GALNT18: variants seen among roughly 807,000 people sequenced by gnomAD.
The protein encoded by GALNT18 is GalNAc-transferase 18.
GALNT18 carries 44 observed loss-of-function variants against 69.5 expected under a neutral mutation model. The ratio of observed to expected loss-of-function variants is 0.63; its 90% confidence interval spans 0.50 to 0.81. GALNT18 has a LOEUF of 0.81. Among genes scored for constraint, GALNT18 ranks in the 40% least tolerant of loss-of-function variants. The probability of loss-of-function intolerance (pLI) is 0.00; values close to 1 mark genes in which losing one functional copy is unlikely to be tolerated. For missense variants in GALNT18, 715 were observed against 810.0 expected (o/e 0.88, Z 1.42); for synonymous variants, 364 against 318.2 (o/e 1.14, Z -1.53).
At chr11:11,284,531 G>A (rs1280310972) in intron 10 of GALNT18, among the ~76,000 whole-genome samples, 1 of 152,176 alleles carries the variant, frequency 6.6e-6, no homozygotes, top group Non-Finnish European at 1.5e-5. Context: ...TGCATCCTGA[G>A]GTGGAACGTC....
At position 11,523,086 on chromosome 11, in the gene GALNT18, A is replaced by G. The variant is rs1405616509; in HGVS notation, c.236-74150T>C. Among the ~76,000 whole-genome samples the G allele has an allele frequency of 6.6e-6, 1 of 152,224 alleles. No homozygotes were observed. The highest frequency in any genetic ancestry group is 2.4e-5 in the African/African-American group (1 of 41,458). On this transcript the variant is annotated intron_variant, in intron 1 of 10. Transcript: ENST00000227756. This position sits in a 1 kb window ranked among gnomAD's most constrained non-coding sequence, Gnocchi z 4.3. Reference sequence around the variant, plus strand: ...AATTTACATGCTTTTTCTTATTACAAGCCCTTTCATTATGTCCGCAAGATC... The same window carrying G: ...AATTTACATGCTTTTTCTTATTACAGGCCCTTTCATTATGTCCGCAAGATC...
At chr11:11,288,538 G>A (rs776157940) in intron 10 of GALNT18, among the ~76,000 whole-genome samples, 1 of 152,146 alleles carries the variant, frequency 6.6e-6, no homozygotes, top group African/African-American at 2.4e-5. Flanking sequence ...AGCTCCTTGA[G>A]GGCAGAAGCT....
chr11:11,391,253 A>G (rs967825246), intron 3 of GALNT18, among the ~76,000 whole-genome samples: 2 of 152,126 alleles, frequency 1.3e-5, no homozygotes, highest in South Asian at 4.1e-4. Context: ...CAACCCCTTA[A>G]CAGTGATTTC....
intron 1 of GALNT18, among the ~76,000 whole-genome samples, chr11:11,568,871 T>A (rs1858716018): frequency 1.3e-5 from 2 of 152,222 alleles, no homozygotes. Context: ...GTGGCCAATA[T>A]AACCTCATCC....
Position 11,413,698 on chromosome 11 carries a change from G to T in GALNT18, c.595+18923C>A, listed in dbSNP as rs956112101. Among the ~76,000 whole-genome samples the T allele has an allele frequency of 2.0e-5, 3 of 152,060 alleles. No homozygotes were observed. On this transcript the variant is annotated intron_variant, in intron 3 of 10. Coordinates refer to ENST00000227756, the MANE Select transcript of GALNT18 (RefSeq NM_198516.3). This position sits in a 1 kb window ranked among gnomAD's most constrained non-coding sequence, Gnocchi z 4.7. ...AGTCTGGGAAGTTGACTACTCCAGG[G>T]GTCCAGGCCCTGGTTCTTTGAAGCC...
At position 11,604,857 on chromosome 11, in the gene GALNT18, C is replaced by T. The variant is rs1440095234; in HGVS notation, c.235+16502G>A. ...CTGGTCCCCCACACCCCAAAGGCTA[C>T]ACAATCTGTTTGAAATGAAAAGGAA... On this transcript the variant is annotated intron_variant, in intron 1 of 10. Transcript: ENST00000227756. The surrounding 1 kb of genome is among the most constrained non-coding windows in gnomAD (Gnocchi z 5.6). Among the ~76,000 whole-genome samples, 1 of 152,244 alleles carries T rather than the reference C, an allele frequency of 6.6e-6. No individual in the cohort carries two copies. Among genetic ancestry groups the T allele is most frequent in the South Asian group, 2.1e-4 (1 of 4,810 alleles).
chr11:11,383,816 C>CTT lies in GALNT18; in HGVS notation c.596-4553_596-4552insAA, dbSNP rs1853981941. On this transcript the variant is annotated intron_variant, in intron 3 of 10. Transcript: ENST00000227756. The surrounding 1 kb of genome is among the most constrained non-coding windows in gnomAD (Gnocchi z 5.2). ...ATCTGATGGTTTAAGTGTGGCACTT[C>CTT]CTCTCTCTCTCTCTCTCTCTCTCTG... 6.8e-6 allele frequency among the ~76,000 whole-genome samples: 1 copy of CTT among 147,712 alleles called. No individual in the cohort carries two copies. Among genetic ancestry groups the CTT allele is most frequent in the Non-Finnish European group, 1.5e-5 (1 of 66,892 alleles).
intron 1 of GALNT18, among the ~76,000 whole-genome samples, chr11:11,527,584 C>T (rs906139234): frequency 2.0e-5 from 3 of 150,772 alleles, no homozygotes; most frequent in Non-Finnish European, 4.4e-5. Context: ...AGCAATGGCC[C>T]ATGAAATATT....
rs1859383500 is a variant in GALNT18 at position 11,592,543 on chromosome 11, C to G, written c.235+28816G>C. ...CCTCACCTTACCCCCACACACAGCA[C>G]ACGCCCTGGGTCTGGCACAAGCTCA... On this transcript the variant is annotated intron_variant, in intron 1 of 10. Coordinates refer to ENST00000227756, the MANE Select transcript of GALNT18 (RefSeq NM_198516.3). The surrounding 1 kb of genome is among the most constrained non-coding windows in gnomAD (Gnocchi z 5.9). 6.6e-6 allele frequency among the ~76,000 whole-genome samples: 1 copy of G among 152,170 alleles called. No individual in the cohort carries two copies. Among genetic ancestry groups the G allele is most frequent in the African/African-American group, 2.4e-5 (1 of 41,432 alleles).
rs571364552 is a variant in GALNT18, at chr11:11,439,541, C to T, written c.429-6754G>A. Among the ~76,000 whole-genome samples, 44 of 152,332 alleles carry T rather than the reference C, an allele frequency of 2.9e-4. No homozygotes were observed. Among genetic ancestry groups the T allele is most frequent in the African/African-American group, 9.4e-4 (39 of 41,578 alleles). ...GCTTTTCTTTCATGCCATGTACATG[C>T]TATTGCAACATGTTTTTATATGTGA... On this transcript the variant is annotated intron_variant, in intron 2 of 10. Coordinates refer to ENST00000227756, the MANE Select transcript of GALNT18 (RefSeq NM_198516.3). This position sits in a 1 kb window ranked among gnomAD's most constrained non-coding sequence, Gnocchi z 4.4.
intron 3 of GALNT18, among the ~76,000 whole-genome samples, chr11:11,403,828 G>A (rs976297284): frequency 6.6e-6 from 1 of 152,222 alleles, no homozygotes; most frequent in African/African-American, 2.4e-5. Context: ...GTGGGCTGTA[G>A]GACACAGTGC....
intron 3 of GALNT18, among the ~76,000 whole-genome samples, chr11:11,390,859 C>T (rs1854171961): frequency 6.6e-6 from 1 of 152,138 alleles, no homozygotes; most frequent in Admixed American, 6.5e-5. Context: ...CAATTTAATC[C>T]CCAGCTCTGC....
intron 1 of GALNT18, among the ~76,000 whole-genome samples, chr11:11,554,025 G>A (rs1172106678): frequency 6.6e-6 from 1 of 152,064 alleles, no homozygotes; most frequent in Non-Finnish European, 1.5e-5. Flanking sequence ...GCAGCACTTC[G>A]TAACTACAAA....
At chr11:11,489,014 A>G (rs1227505865) in intron 1 of GALNT18, among the ~76,000 whole-genome samples, 1 of 152,262 alleles carries the variant, frequency 6.6e-6, no homozygotes, top group Non-Finnish European at 1.5e-5. Flanking sequence ...ATAGAAATTA[A>G]GGAGCAACAT....
At chr11:11,411,875 C>T (rs1328806879) in intron 3 of GALNT18, among the ~76,000 whole-genome samples, 1 of 152,162 alleles carries the variant, frequency 6.6e-6, no homozygotes, top group Non-Finnish European at 1.5e-5. Flanking sequence ...CAGAGTTGTC[C>T]CATCCGAGGC....
At chr11:11,391,193 T>A (rs1213654411) in intron 3 of GALNT18, among the ~76,000 whole-genome samples, 1 of 152,240 alleles carries the variant, frequency 6.6e-6, no homozygotes. Context: ...CTAGCCACTC[T>A]GATTCAATTT....
intron 1 of GALNT18, among the ~76,000 whole-genome samples, chr11:11,456,669 C>T (rs116901631): frequency 1.1e-3 from 165 of 152,288 alleles, no homozygotes; most frequent in Non-Finnish European, 1.8e-3. Context: ...ATTTTGACTA[C>T]CAGTTGCTTG....
In GALNT18 at chr11:11,469,277, A is replaced by G. The variant is rs533801584; in HGVS notation, c.236-20341T>C. Among the ~76,000 whole-genome samples the G allele has an allele frequency of 8.5e-5, 13 of 152,352 alleles. No homozygotes were observed. The highest frequency in any genetic ancestry group is 3.1e-4 in the African/African-American group (13 of 41,584). The stretch of plus-strand genomic sequence containing the variant: ...CAAACCATGGTACCAGACTGTTCCC[A>G]GGGACTTCACAGAGGGAGCAGATGA... On this transcript the variant is annotated intron_variant, in intron 1 of 10. Transcript: ENST00000227756. This position sits in a 1 kb window ranked among gnomAD's most constrained non-coding sequence, Gnocchi z 4.2.
rs140018938 is a variant in GALNT18 at position 11,469,172 on chromosome 11, A to G, written c.236-20236T>C. Among the ~76,000 whole-genome samples, 210 of 152,280 alleles carry G rather than the reference A, an allele frequency of 1.4e-3. 2 individuals are homozygous for G. Among genetic ancestry groups the G allele is most frequent in the African/African-American group, 3.2e-3 (135 of 41,570 alleles). ...CCCGGTAGCCAAGAAAAGCAGTCTG[A>G]GTTGCTATAAACATAAAGAAGCCCG... is the stretch of plus-strand genomic sequence containing the variant. On this transcript the variant is annotated intron_variant, in intron 1 of 10. Coordinates refer to ENST00000227756, the MANE Select transcript of GALNT18 (RefSeq NM_198516.3). The surrounding 1 kb of genome is among the most constrained non-coding windows in gnomAD (Gnocchi z 4.2).
Sources: gnomAD v4.1 joint callset for allele counts (sites outside exome capture counted in the v4.1 genomes callset) on GRCh38, gnomAD v4.1.1 for gene constraint, Gnocchi (gnomAD v3.1) non-coding constraint, MANE v1.5 for transcripts, NCBI Gene and HGNC (gene_info 2026-07-23, HGNC 2026-07-21) for gene names.